Variants in GRIK2 observed in about 807,000 individuals in gnomAD.
GRIK2 encodes the protein glutamate ionotropic receptor kainate type subunit 2.
In GRIK2, 32 loss-of-function variants were observed where a neutral mutation model predicts 100.3. That is an observed-to-expected ratio of 0.32 (90% CI 0.24 to 0.43). The LOEUF (loss-of-function observed/expected upper bound fraction) is 0.43. GRIK2 is among the 20% of genes least tolerant of loss of function. GRIK2 has a pLI of 1.00. For missense variants in GRIK2, 843 were observed against 1,114.9 expected (o/e 0.76, Z 3.47); for synonymous variants, 417 against 389.4 (o/e 1.07, Z -0.83).
intron 13 of GRIK2, among the ~76,000 whole-genome samples, chr6:101,926,648 C>T (rs961308846): frequency 3.9e-5 from 6 of 152,128 alleles, no homozygotes; most frequent in Admixed American, 6.6e-5. Context: ...ACATTTGCTT[C>T]GCCACATAAC....
chr6:101,863,816 G>A (rs1784883400), intron 11 of GRIK2, among the ~76,000 whole-genome samples: 2 of 152,144 alleles, frequency 1.3e-5, no homozygotes, highest in African/African-American at 4.8e-5. Context: ...TTATACAATG[G>A]GAATAATGAT....
intron 14 of GRIK2, among the ~76,000 whole-genome samples, chr6:101,978,972 G>A (rs1424844909): frequency 2.0e-5 from 3 of 151,840 alleles, no homozygotes; most frequent in South Asian, 4.1e-4. Context: ...TCCTAATCAT[G>A]AGCCACAATA....
Position 101,634,849 on chromosome 6 carries a change from C to A in GRIK2, c.541+8212C>A, listed in dbSNP as rs187080381. Among the ~76,000 whole-genome samples, 573 of 151,234 alleles carry A rather than the reference C, an allele frequency of 3.8e-3. 4 individuals are homozygous for A. Among genetic ancestry groups the A allele is most frequent in the Admixed American group, 6.4e-3 (97 of 15,174 alleles). ...CAAAAACACAAACACTTTCTTAAAA[C>A]ACTAACTTTATTCATTTGGATGAAG... On this transcript the variant is annotated intron_variant, in intron 4 of 16. Transcript: ENST00000369134.
intron 9 of GRIK2, among the ~76,000 whole-genome samples, chr6:101,812,668 A>G (rs1583196307): frequency 6.6e-6 from 1 of 152,174 alleles, no homozygotes; most frequent in Middle Eastern, 3.4e-3. Context: ...AGACAGAGAT[A>G]AGTAAACAGT....
chr6:101,649,651 C>T (rs1249301876), intron 4 of GRIK2, among the ~76,000 whole-genome samples: 1 of 152,014 alleles, frequency 6.6e-6, no homozygotes, highest in African/African-American at 2.4e-5. Flanking sequence ...CTCTGGATAC[C>T]CTCCTTATAA....
At chr6:101,908,278 G>A (rs1582508661) in intron 12 of GRIK2, among the ~76,000 whole-genome samples, 1 of 7,506 alleles carries the variant, frequency 1.3e-4, no homozygotes, top group African/African-American at 7.2e-4. Flanking sequence ...AATAATTACG[G>A]TTTTGCCAAA....
At chr6:101,922,501 A>T (rs746308470) in intron 12 of GRIK2, among the ~76,000 whole-genome samples, 3 of 152,214 alleles carry the variant, frequency 2.0e-5, no homozygotes, top group Non-Finnish European at 4.4e-5. Context: ...ATATGTTTTA[A>T]TTATCAAGAA....
chr6:101,438,825 G>A (rs1890278), intron 2 of GRIK2, among the ~76,000 whole-genome samples: 7,723 of 152,144 alleles, frequency 0.051, 468 homozygotes, highest in East Asian at 0.31. Context: ...GATGACAATT[G>A]AATTCCTGAG....
intron 15 of GRIK2, among the ~76,000 whole-genome samples, chr6:102,036,227 G>A (rs375639864): frequency 9.5e-5 from 13 of 136,352 alleles, no homozygotes; most frequent in African/African-American, 3.2e-4. Context: ...GGTGCCGTAA[G>A]TAAACACACA....
chr6:101,672,092 C>T (rs565966073), intron 4 of GRIK2, among the ~76,000 whole-genome samples: 34 of 152,164 alleles, frequency 2.2e-4, no homozygotes, highest in African/African-American at 7.7e-4. Context: ...GATGGATGCT[C>T]AAACTATCTT....
At chr6:101,908,858 C>A (rs1193581972) in intron 12 of GRIK2, among the ~76,000 whole-genome samples, 1 of 151,094 alleles carries the variant, frequency 6.6e-6, no homozygotes, top group Admixed American at 6.6e-5. Flanking sequence ...TCATAAAATT[C>A]TTTTGGAATG....
At chr6:101,616,862 C>T (rs1339720242) in intron 2 of GRIK2, among the ~76,000 whole-genome samples, 1 of 151,560 alleles carries the variant, frequency 6.6e-6, no homozygotes, top group Admixed American at 6.6e-5. Context: ...CATTTTCTTA[C>T]ATTTAGCGGT....
At chr6:101,544,870 C>A (rs982476624) in intron 2 of GRIK2, among the ~76,000 whole-genome samples, 18 of 152,156 alleles carry the variant, frequency 1.2e-4, no homozygotes, top group African/African-American at 4.3e-4. Context: ...TTACAATCTG[C>A]CAATTTCTTC....
intron 2 of GRIK2, among the ~76,000 whole-genome samples, chr6:101,416,005 AATCAATCATTTAATTAATTTCACCAC>A (rs1408130323): frequency 6.6e-6 from 1 of 152,192 alleles, no homozygotes; most frequent in East Asian, 1.9e-4. Flanking sequence ...TCAATCAATC[AATCAATCATTTAATTAATTTCACCAC>A]AGAAAGTACT....
chr6:101,480,881 T>A (rs1772492535), intron 2 of GRIK2, among the ~76,000 whole-genome samples: 1 of 152,150 alleles, frequency 6.6e-6, no homozygotes, highest in East Asian at 1.9e-4. Flanking sequence ...GGATCAATTG[T>A]TGAGAAATTG....
intron 1 of GRIK2, among the ~76,000 whole-genome samples, chr6:101,394,116 A>T (rs1328223156): frequency 6.6e-6 from 1 of 152,166 alleles, no homozygotes; most frequent in Non-Finnish European, 1.5e-5. Flanking sequence ...TGATTTAAGA[A>T]GTGGACGTGT....
chr6:101,600,797 A>G (rs781097352), intron 2 of GRIK2, among the ~76,000 whole-genome samples: 1 of 151,924 alleles, frequency 6.6e-6, no homozygotes, highest in Non-Finnish European at 1.5e-5. Flanking sequence ...TATCAGTTAT[A>G]GGAGCCCTTT....
At chr6:101,596,277 G>A (rs70718) in intron 2 of GRIK2, among the ~76,000 whole-genome samples, 56,275 of 148,224 alleles carry the variant, frequency 0.38, 11,606 homozygotes, top group African/African-American at 0.56. Context: ...ATGGTGTCAC[G>A]CAGGATTCAG....
Position 101,879,316 on chromosome 6 carries a change from GA to G in GRIK2, c.1525-10317del, listed in dbSNP as rs1050563100. Among the ~76,000 whole-genome samples the G allele has an allele frequency of 1.6e-3, 239 of 151,990 alleles. 2 individuals carry two copies. Among genetic ancestry groups the G allele is most frequent in the Non-Finnish European group, 1.5e-3 (102 of 67,938 alleles). ...TAATTCATGGTTTCTCTAGAACCCA[GA>G]AAAAAATACATGCTTCTTTGAGGCT... On this transcript the variant is annotated intron_variant, in intron 11 of 16. Transcript: ENST00000369134.
Sources: gnomAD v4.1 joint callset for allele counts (sites outside exome capture counted in the v4.1 genomes callset) on GRCh38, gnomAD v4.1.1 for gene constraint, MANE v1.5 for transcripts, NCBI Gene and HGNC (gene_info 2026-07-23, HGNC 2026-07-21) for gene names.